The following SGCZ variants were observed in gnomAD, a reference collection of about 807,000 sequenced individuals.
The protein encoded by SGCZ is zeta-sarcoglycan.
In SGCZ, 40 loss-of-function variants were observed where a neutral mutation model predicts 41.3. That is an observed-to-expected ratio of 0.97 (90% CI 0.75 to 1.26). The LOEUF is 1.26. Among genes scored for constraint, SGCZ ranks in the 50% most tolerant of loss-of-function variants. The pLI, the probability that SGCZ is intolerant of heterozygous loss-of-function variation, is 0.00. For synonymous variants in SGCZ, 206 were observed against 137.5 expected (o/e 1.50, Z -3.49); for missense variants, 552 against 369.8 (o/e 1.49, Z -4.04).
chr8:14,906,619 G>T (rs1183491044), intron 1 of SGCZ, among the ~76,000 whole-genome samples: 2 of 152,068 alleles, frequency 1.3e-5, no homozygotes, highest in Admixed American at 6.6e-5. Context: ...AAATCACTTT[G>T]GTATTTGTAC....
At chr8:15,201,746 C>T (rs1000464663) in intron 1 of SGCZ, among the ~76,000 whole-genome samples, 2 of 152,120 alleles carry the variant, frequency 1.3e-5, no homozygotes, top group African/African-American at 4.8e-5. Context: ...ACTGAACCTA[C>T]CCCCACCTTC....
chr8:14,835,613 G>A (rs541401905), intron 1 of SGCZ, among the ~76,000 whole-genome samples: 1 of 152,270 alleles, frequency 6.6e-6, no homozygotes, highest in East Asian at 1.9e-4. Flanking sequence ...ACCAATCCTT[G>A]AGGCACCCTG....
rs548305714 is a variant in SGCZ, at chr8:14,655,283, C to T, written c.40-100357G>A. The stretch of plus-strand genomic sequence containing the variant: ...ATGCTAATCTGCTCTAAAGACTTTA[C>T]TATGTAACTGCTTGTAGAAGGTGTT... On this transcript the variant is annotated intron_variant, in intron 1 of 7. Coordinates refer to ENST00000382080, the MANE Select transcript of SGCZ (RefSeq NM_139167.4). Among the ~76,000 whole-genome samples, 19 of 152,122 alleles carry T rather than the reference C, an allele frequency of 1.2e-4. No homozygotes were observed. The East Asian group carries it at 3.3e-3, about 26-fold the overall frequency.
chr8:14,247,532 A>G (rs1294753048), intron 3 of SGCZ, among the ~76,000 whole-genome samples: 1 of 152,196 alleles, frequency 6.6e-6, no homozygotes, highest in Admixed American at 6.5e-5. Context: ...CATTATCCTA[A>G]AAGGGAATAG....
At chr8:14,779,543 T>C (rs1383091910) in intron 1 of SGCZ, among the ~76,000 whole-genome samples, 1 of 152,170 alleles carries the variant, frequency 6.6e-6, no homozygotes, top group Non-Finnish European at 1.5e-5. Context: ...TTGGAAGAAA[T>C]GATTGCTTTA....
intron 3 of SGCZ, among the ~76,000 whole-genome samples, chr8:14,299,123 A>G (rs904967742): frequency 6.6e-6 from 1 of 152,056 alleles, no homozygotes; most frequent in African/African-American, 2.4e-5. Context: ...GGAGTTGAGT[A>G]TGGAAAAAGT....
intron 1 of SGCZ, among the ~76,000 whole-genome samples, chr8:14,828,039 C>G (rs1342193059): frequency 6.6e-6 from 1 of 152,194 alleles, no homozygotes; most frequent in Non-Finnish European, 1.5e-5. Context: ...AACTGAAACA[C>G]TGAGAAGCTG....
chr8:14,543,464 A>G (rs558176462), intron 2 of SGCZ, among the ~76,000 whole-genome samples: 1 of 152,220 alleles, frequency 6.6e-6, no homozygotes, highest in African/African-American at 2.4e-5. Context: ...GACAGCCTCC[A>G]TCATTATCCT....
intron 1 of SGCZ, among the ~76,000 whole-genome samples, chr8:14,837,671 G>A (rs1024995266): frequency 6.6e-6 from 1 of 152,092 alleles, no homozygotes; most frequent in Non-Finnish European, 1.5e-5. Flanking sequence ...TGTCAATACA[G>A]AAATATTTTT....
chr8:14,543,223 T>C (rs568774186), intron 2 of SGCZ, among the ~76,000 whole-genome samples: 3 of 152,204 alleles, frequency 2.0e-5, no homozygotes, highest in East Asian at 3.9e-4. Flanking sequence ...CTCCTAATAC[T>C]GTACTAGTGT....
At chr8:14,572,426 A>G (rs1004764815) in intron 1 of SGCZ, among the ~76,000 whole-genome samples, 16 of 152,200 alleles carry the variant, frequency 1.1e-4, no homozygotes, top group Admixed American at 1.0e-3. Flanking sequence ...GTAGCAAACA[A>G]TCAAATGAGA....
At chr8:14,156,531 TA>T (rs1307478807) in intron 5 of SGCZ, among the ~76,000 whole-genome samples, 2 of 152,172 alleles carry the variant, frequency 1.3e-5, no homozygotes, top group Admixed American at 1.3e-4. Flanking sequence ...TAACTTACTG[TA>T]ACATTTTAAT....
chr8:14,252,774 G>C (rs980654570), intron 3 of SGCZ, among the ~76,000 whole-genome samples: 2 of 152,156 alleles, frequency 1.3e-5, no homozygotes, highest in Non-Finnish European at 2.9e-5. Context: ...TTAGTCCCCA[G>C]AGCTTCAGCT....
chr8:15,038,874 G>A (rs1036413112), intron 1 of SGCZ, among the ~76,000 whole-genome samples: 1 of 148,004 alleles, frequency 6.8e-6, no homozygotes, highest in African/African-American at 2.5e-5. Flanking sequence ...AAAGATATGC[G>A]AAAAACTGCT....
intron 1 of SGCZ, among the ~76,000 whole-genome samples, chr8:14,749,645 T>C (rs1799441082): frequency 6.6e-6 from 1 of 152,186 alleles, no homozygotes; most frequent in Non-Finnish European, 1.5e-5. Flanking sequence ...ACTAGATTAA[T>C]TAATTACCTA....
intron 1 of SGCZ, among the ~76,000 whole-genome samples, chr8:15,228,347 A>G (rs1176638520): frequency 6.6e-6 from 1 of 152,192 alleles, no homozygotes; most frequent in East Asian, 1.9e-4. Context: ...TTTAATAATG[A>G]GGAGCTTTAT....
intron 4 of SGCZ, among the ~76,000 whole-genome samples, chr8:14,214,221 A>G (rs1178370396): frequency 1.3e-5 from 2 of 152,124 alleles, no homozygotes; most frequent in Admixed American, 1.3e-4. Flanking sequence ...ACAAATCCCA[A>G]TCGAAGGGCA....
At chr8:14,740,260 C>T (rs1407543451) in intron 1 of SGCZ, among the ~76,000 whole-genome samples, 1 of 152,140 alleles carries the variant, frequency 6.6e-6, no homozygotes, top group East Asian at 1.9e-4. Flanking sequence ...TTAACCAAGA[C>T]AGTTGGAATC....
chr8:14,433,585 C>A (rs1223042610), intron 2 of SGCZ, among the ~76,000 whole-genome samples: 1 of 152,152 alleles, frequency 6.6e-6, no homozygotes, highest in Non-Finnish European at 1.5e-5. Context: ...TTATGATCTT[C>A]CATCATTGCA....
Sources: gnomAD v4.1 joint callset for allele counts (sites outside exome capture counted in the v4.1 genomes callset) on GRCh38, gnomAD v4.1.1 for gene constraint, MANE v1.5 for transcripts, NCBI Gene and HGNC (gene_info 2026-07-23, HGNC 2026-07-21) for gene names.